ERBB4: variants seen among roughly 807,000 people sequenced by gnomAD.
ERBB4 encodes erb-b2 receptor tyrosine kinase 4.
In ERBB4, 42 loss-of-function variants were observed where a neutral mutation model predicts 158.0. The ratio of observed to expected loss-of-function variants is 0.27; its 90% CI spans 0.21 to 0.34. The LOEUF is 0.34. ERBB4 is among the 10% of genes least tolerant of loss of function. ERBB4 has a pLI of 1.00. For missense variants in ERBB4, 1,333 were observed against 1,624.1 expected, an observed-to-expected ratio of 0.82 and a Z score of 3.08; for synonymous variants, 583 against 558.7, an observed-to-expected ratio of 1.04 and a Z score of -0.61.
chr2:212,168,074 A>C (rs1355739685), intron 1 of ERBB4, among the ~76,000 whole-genome samples: 1 of 152,056 alleles, frequency 6.6e-6, no homozygotes. Context: ...AAATTAAAAA[A>C]AAAAAAAAAC....
intron 1 of ERBB4, among the ~76,000 whole-genome samples, chr2:212,406,519 T>A (rs1029676774): frequency 2.0e-5 from 3 of 152,192 alleles, no homozygotes; most frequent in Non-Finnish European, 4.4e-5. Context: ...AAATTGCAGA[T>A]AAAAGATGAT....
At chr2:212,354,799 C>A (rs2089403923) in intron 1 of ERBB4, among the ~76,000 whole-genome samples, 2 of 151,762 alleles carry the variant, frequency 1.3e-5, no homozygotes, top group South Asian at 4.2e-4. Flanking sequence ...GTTGAAGTTT[C>A]CAAGTGGCTT....
At chr2:211,858,099 C>G (rs758446753) in intron 3 of ERBB4, among the ~76,000 whole-genome samples, 4 of 152,068 alleles carry the variant, frequency 2.6e-5, no homozygotes, top group Non-Finnish European at 5.9e-5. Flanking sequence ...TGTTCACACA[C>G]ATAACGTCTT....
At chr2:211,649,038 A>G (rs187335626) in intron 16 of ERBB4, among the ~76,000 whole-genome samples, 64 of 152,024 alleles carry the variant, frequency 4.2e-4, no homozygotes, top group Middle Eastern at 3.4e-3. Flanking sequence ...TATGTCTTAG[A>G]TTAGTTTATC....
At chr2:211,624,109 C>G in intron 17 of ERBB4, 65 bp from the exon 18 acceptor site, 2 of 1,590,002 alleles carry the variant, frequency 1.3e-6, no homozygotes, top group South Asian at 1.1e-5. Context: ...CTCTGTCTCT[C>G]TCTCTCTCTC....
chr2:212,295,832 T>C (rs781341528), intron 1 of ERBB4, among the ~76,000 whole-genome samples: 1 of 152,082 alleles, frequency 6.6e-6, no homozygotes, highest in Non-Finnish European at 1.5e-5. Flanking sequence ...AAATGTTGTA[T>C]GCATGTTTCC....
intron 6 of ERBB4, among the ~76,000 whole-genome samples, chr2:211,724,244 T>G (rs1336445509): frequency 6.6e-6 from 1 of 152,146 alleles, no homozygotes; most frequent in Non-Finnish European, 1.5e-5. Context: ...AGAATGAGTA[T>G]AGAAGATTAT....
At chr2:211,898,853 C>A (rs1459824050) in intron 3 of ERBB4, among the ~76,000 whole-genome samples, 1 of 152,078 alleles carries the variant, frequency 6.6e-6, no homozygotes, top group Non-Finnish European at 1.5e-5. Flanking sequence ...AGTATGGGAC[C>A]TACAGACCTT....
At chr2:212,498,298 G>A (rs1690695325) in intron 1 of ERBB4, among the ~76,000 whole-genome samples, 1 of 151,998 alleles carries the variant, frequency 6.6e-6, no homozygotes, top group Non-Finnish European at 1.5e-5. Flanking sequence ...CAAAGACGGG[G>A]ATTAATTTTT....
chr2:211,575,046 G>A (rs1229580853), intron 19 of ERBB4, among the ~76,000 whole-genome samples: 1 of 152,160 alleles, frequency 6.6e-6, no homozygotes, highest in Admixed American at 6.5e-5. Flanking sequence ...ATTTAAAAGG[G>A]ATAAACCATT....
At chr2:211,904,170 TG>T (rs1186804641) in intron 3 of ERBB4, among the ~76,000 whole-genome samples, 1 of 152,046 alleles carries the variant, frequency 6.6e-6, no homozygotes, top group Non-Finnish European at 1.5e-5. Context: ...TGCAGGTGCA[TG>T]TTTAGCAGCT....
intron 3 of ERBB4, among the ~76,000 whole-genome samples, chr2:211,925,624 G>T (rs765474431): frequency 7.2e-5 from 11 of 151,732 alleles, no homozygotes; most frequent in Non-Finnish European, 1.6e-4. Context: ...CTTGTGATCC[G>T]CCCACCTCGG....
At chr2:211,523,630 C>G (rs2066251777) in intron 20 of ERBB4, among the ~76,000 whole-genome samples, 1 of 151,694 alleles carries the variant, frequency 6.6e-6, no homozygotes, top group African/African-American at 2.4e-5. Context: ...TGGAGTTGTT[C>G]GTTCCTCCCG....
chr2:212,505,432 T>C, intron 1 of ERBB4, among the ~76,000 whole-genome samples: 1 of 124,130 alleles, frequency 8.1e-6, no homozygotes, highest in Non-Finnish European at 2.0e-5. Context: ...GTATTAAACA[T>C]CAAGTGAGGA....
At chr2:211,752,184 GT>G (rs1164445855) in intron 4 of ERBB4, among the ~76,000 whole-genome samples, 1 of 151,982 alleles carries the variant, frequency 6.6e-6, no homozygotes, top group African/African-American at 2.4e-5. Context: ...ACTTACAGGA[GT>G]TCTTTTGTAC....
At chr2:212,499,003 T>C (rs539764510) in intron 1 of ERBB4, among the ~76,000 whole-genome samples, 1 of 152,100 alleles carries the variant, frequency 6.6e-6, no homozygotes, top group South Asian at 2.1e-4. Flanking sequence ...CAACAATATT[T>C]TATTTAAAGA....
At chr2:212,252,394 G>T (rs1413054917) in intron 1 of ERBB4, among the ~76,000 whole-genome samples, 8 of 152,016 alleles carry the variant, frequency 5.3e-5, no homozygotes, top group Non-Finnish European at 4.4e-5. Flanking sequence ...AAAAAGAAGA[G>T]AATGACCGTC....
chr2:211,791,787 A>G lies in ERBB4; in HGVS notation c.422-3628T>C, dbSNP rs76283447. Among the ~76,000 whole-genome samples the G allele has an allele frequency of 5.9e-3, 898 of 151,994 alleles. 9 individuals are homozygous for G. Among genetic ancestry groups the G allele is most frequent in the African/African-American group, 0.021 (852 of 41,540 alleles). On this transcript the variant is annotated intron_variant, in intron 3 of 27. Transcript: ENST00000342788. ...TAGACATGACATCGATGAAAAAAGT[A>G]TCATTTCATTGCTGAAAATTTCCAG... is the stretch of plus-strand genomic sequence containing the variant.
intron 1 of ERBB4, among the ~76,000 whole-genome samples, chr2:212,229,745 GAGA>G (rs1254180492): frequency 6.6e-6 from 1 of 152,130 alleles, no homozygotes; most frequent in Non-Finnish European, 1.5e-5. Flanking sequence ...ATAGAAAGGA[GAGA>G]AGGAGAGACT....
Sources: allele counts gnomAD v4.1 joint callset (sites outside exome capture counted in the v4.1 genomes callset), GRCh38; gene constraint gnomAD v4.1.1; transcripts MANE v1.5; gene names NCBI Gene and HGNC (gene_info 2026-07-23, HGNC 2026-07-21).